The following LMNTD1 variants were observed in gnomAD, a reference collection of about 807,000 sequenced individuals.
LMNTD1 encodes lamin tail domain-containing protein 1.
A neutral mutation model predicts 50.9 loss-of-function variants in LMNTD1; 35 were observed. The ratio of observed to expected loss-of-function variants is 0.69; its 90% CI spans 0.53 to 0.91. The LOEUF (loss-of-function observed/expected upper bound fraction) is 0.91, where lower values mean the gene tolerates loss of function less well. Ranked by LOEUF, LMNTD1 falls within the 40% of genes least tolerant of loss-of-function variation. The probability of loss-of-function intolerance (pLI) is 0.00; values close to 1 mark genes in which losing one functional copy is unlikely to be tolerated. For synonymous variants in LMNTD1, 153 were observed against 161.9 expected (o/e 0.94, Z 0.42); for missense variants, 470 against 475.5 (o/e 0.99, Z 0.11).
chr12:25,648,224 G>A (rs139175758), intron 1 of LMNTD1, among the ~76,000 whole-genome samples: 27 of 152,122 alleles, frequency 1.8e-4, no homozygotes, highest in African/African-American at 5.8e-4. Flanking sequence ...TGTTCATTTC[G>A]ACAGTCATGG....
intron 1 of LMNTD1, among the ~76,000 whole-genome samples, chr12:25,606,482 A>T (rs1378691870): frequency 8.5e-5 from 13 of 152,122 alleles, no homozygotes; most frequent in African/African-American, 3.1e-4. Flanking sequence ...CATAGATAGC[A>T]CTTATTATTT....
chr12:25,585,943 G>A (rs568260968), intron 1 of LMNTD1: 10 of 152,314 alleles, frequency 6.6e-5, no homozygotes, highest in African/African-American at 2.4e-4. Flanking sequence ...CGCAAAGGAT[G>A]AACTCACTTG....
Position 25,518,794 on chromosome 12 carries a change from C to T in LMNTD1, c.1189+1G>A. On this transcript the variant is annotated splice_donor_variant, in intron 8 of 9. Coordinates refer to ENST00000458174, the MANE Select transcript of LMNTD1 (RefSeq NM_001145728.2). LOFTEE classifies it high-confidence loss of function. ...CTGGAACAAGCACTCTTTTAACTGA[C>T]CTGAGGCTCGATTAGGTCTGGTTGA... 1.9e-6 allele frequency: 3 copies of T among 1,613,980 alleles called. No homozygotes were observed. Among genetic ancestry groups the T allele is most frequent in the Non-Finnish European group, 2.5e-6 (3 of 1,179,902 alleles).
rs751203404 is a variant in LMNTD1 at position 25,526,205 on chromosome 12, G to T, written c.692C>A (p.Ala231Glu). Residue 231 changes from alanine to glutamate, a missense_variant, in exon 6 of 10, where the codon GCA becomes GAA. By Grantham distance (107) the Ala-to-Glu change is moderately radical. Transcript: ENST00000458174. ...TGGAGGTTGATGCTTTGCTTCAGAT[G>T]CTGCTGCCCACACCTGTAATAAAAT... ...ANSTVTVWAA[A>E]SEAKHQPPSD... 1.9e-6 allele frequency: 3 copies of T among 1,608,222 alleles called. No individual in the cohort carries two copies. Among genetic ancestry groups the T allele is most frequent in the Non-Finnish European group, 2.5e-6 (3 of 1,177,594 alleles).
At chr12:25,603,710 T>TAGC (rs1245701335) in intron 1 of LMNTD1, among the ~76,000 whole-genome samples, 2 of 152,006 alleles carry the variant, frequency 1.3e-5, no homozygotes, top group East Asian at 3.8e-4. Flanking sequence ...AGACAATAAA[T>TAGC]ATACACAAAT....
chr12:25,520,147 TA>T, intron 6 of LMNTD1, 72 bp from the exon 7 acceptor site: 1 of 143,218 alleles, frequency 7.0e-6, no homozygotes, highest in South Asian at 2.3e-4. Flanking sequence ...GAGATATACA[TA>T]TATATATATA....
chr12:25,587,894 A>T (rs4963624), intron 1 of LMNTD1, among the ~76,000 whole-genome samples: 28,889 of 152,022 alleles, frequency 0.19, 3,051 homozygotes, highest in East Asian at 0.33. Context: ...TACATTTTTT[A>T]AAAAAATTAA....
At chr12:25,481,803 C>T (rs905692794) in intron 9 of LMNTD1, among the ~76,000 whole-genome samples, 1 of 149,296 alleles carries the variant, frequency 6.7e-6, no homozygotes, top group Non-Finnish European at 1.5e-5. Flanking sequence ...TCTTTCAAAT[C>T]GCAACCTAAC....
chr12:25,564,155 C>G (rs1944453382), intron 1 of LMNTD1, among the ~76,000 whole-genome samples: 1 of 152,176 alleles, frequency 6.6e-6, no homozygotes, highest in African/African-American at 2.4e-5. Context: ...TCTGACAAGC[C>G]CCAGTGAGAT....
intron 2 of LMNTD1, among the ~76,000 whole-genome samples, chr12:25,550,338 C>T (rs909993710): frequency 2.3e-4 from 35 of 152,146 alleles, no homozygotes; most frequent in African/African-American, 8.0e-4. Context: ...AGACTTAGGA[C>T]GTTTCATTTT....
chr12:25,637,877 T>C (rs141474212), intron 1 of LMNTD1, among the ~76,000 whole-genome samples: 12 of 152,126 alleles, frequency 7.9e-5, no homozygotes, highest in African/African-American at 2.9e-4. Flanking sequence ...TAAGAAGCCA[T>C]GTTACACAAA....
At chr12:25,648,545 G>T (rs2136643370) in exon 1 of LMNTD1, 1 of 1,551,566 alleles carries the variant, frequency 6.4e-7, no homozygotes, top group Middle Eastern at 1.7e-4. Flanking sequence ...CTCACTGGCT[G>T]TTGCATGTAG....
intron 1 of LMNTD1, among the ~76,000 whole-genome samples, chr12:25,603,067 C>A (rs1258595528): frequency 6.6e-6 from 1 of 152,012 alleles, no homozygotes; most frequent in Admixed American, 6.6e-5. Context: ...TGACACATCA[C>A]AATAAGGTGT....
At chr12:25,552,594 A>C (rs113059897) in intron 2 of LMNTD1, among the ~76,000 whole-genome samples, 1,756 of 150,240 alleles carry the variant, frequency 0.012, 86 homozygotes, top group Non-Finnish European at 0.016. Context: ...AAAAAAAAAA[A>C]AAAAAAACGG....
intron 1 of LMNTD1, among the ~76,000 whole-genome samples, chr12:25,563,380 G>A (rs1215313202): frequency 6.6e-6 from 1 of 152,214 alleles, no homozygotes; most frequent in Non-Finnish European, 1.5e-5. Context: ...ACTCTCAGCT[G>A]CAGGTCTGTT....
rs557562639 is a variant in LMNTD1, at chr12:25,617,456, C to A, written c.58+31038G>T. Among the ~76,000 whole-genome samples, 4 of 152,160 alleles carry A rather than the reference C, an allele frequency of 2.6e-5. No individual in the cohort carries two copies. The South Asian group carries it at 8.3e-4, about 32-fold the overall frequency. ...CTCTTGGACAAGTGGAGGGGTTGGCCTTTAGCAGGAGAATGGGCAGCTTAT... is the reference window on the plus strand; with the variant it reads ...CTCTTGGACAAGTGGAGGGGTTGGCATTTAGCAGGAGAATGGGCAGCTTAT... On this transcript the variant is annotated intron_variant, in intron 1 of 7. Coordinates refer to the LMNTD1 transcript ENST00000445693.
chr12:25,646,444 G>A (rs1353762701), intron 1 of LMNTD1, among the ~76,000 whole-genome samples: 8 of 152,068 alleles, frequency 5.3e-5, no homozygotes, highest in Non-Finnish European at 1.0e-4. Flanking sequence ...ATGGTCTTCT[G>A]CTTTCCTCTT....
intron 8 of LMNTD1, among the ~76,000 whole-genome samples, chr12:25,517,767 A>AAAAAAAG (rs71065949): frequency 0.65 from 94,557 of 146,468 alleles, 33,037 homozygotes; most frequent in Non-Finnish European, 0.78. Context: ...TAAGCAGGAA[A>AAAAAAAG]AAAGAAAAAG....
chr12:25,489,826 C>T (rs1285093661), intron 9 of LMNTD1, among the ~76,000 whole-genome samples: 1 of 152,152 alleles, frequency 6.6e-6, no homozygotes, highest in Non-Finnish European at 1.5e-5. Context: ...TTTGAAAGCA[C>T]TTCCAAAATC....
Sources: allele counts gnomAD v4.1 joint callset (sites outside exome capture counted in the v4.1 genomes callset), GRCh38; gene constraint gnomAD v4.1.1; transcripts MANE v1.5; gene names NCBI Gene and HGNC (gene_info 2026-07-23, HGNC 2026-07-21).